The following KBTBD7 variants were observed in gnomAD, a reference collection of about 807,000 sequenced individuals.
KBTBD7 encodes kelch repeat and BTB domain-containing protein 7.
KBTBD7 carries 25 observed loss-of-function variants against 50.3 expected under a neutral mutation model. The observed-to-expected ratio is 0.50, with a 90% CI of 0.36 to 0.69. The LOEUF (loss-of-function observed/expected upper bound fraction) is 0.69. Among genes scored for constraint, KBTBD7 ranks in the 30% least tolerant of loss-of-function variants. KBTBD7 has a pLI of 0.00. For synonymous variants in KBTBD7, 305 were observed against 325.3 expected, an observed-to-expected ratio of 0.94 and a Z score of 0.67; for missense variants, 653 against 869.5, an observed-to-expected ratio of 0.75 and a Z score of 3.13.
In KBTBD7 at chr13:41,193,558, C is replaced by A. The variant is rs747348724; in HGVS notation, c.700G>T (p.Glu234Ter). 3 of 1,614,234 alleles carry A rather than the reference C, an allele frequency of 1.9e-6. No homozygotes were observed. In the Admixed American group the frequency reaches 5.0e-5, roughly 27 times the overall value. ...ACATGGCATACAGTCCGCTCACTCT[C>A]TATGTCCAGACTATCCAGGCGTAGG... is the stretch of plus-strand genomic sequence containing the variant. ...AVLRLDSLDI[E>*]SERTVCHVAV... is the part of the protein sequence containing the mutation. The change falls in exon 1 of 1, where the codon GAG (glutamate) becomes TAG (stop). Residue 234 changes from glutamate to a stop codon, truncating the protein, a stop_gained. Coordinates refer to ENST00000379483, the MANE Select transcript of KBTBD7 (RefSeq NM_032138.7). LOFTEE classifies it high-confidence loss of function. This position sits in a 1 kb window ranked among gnomAD's most constrained non-coding sequence, Gnocchi z 5.7.
Position 41,194,349 on chromosome 13 carries a change from G to T in KBTBD7, c.-92C>A. 1 of 1,503,464 alleles carries T rather than the reference G, an allele frequency of 6.7e-7. No homozygotes were observed. The highest frequency in any genetic ancestry group is 1.3e-5 in the South Asian group (1 of 77,300). The allele number at this position is 1,503,464 out of a possible 1,614,324, so 93.1% of individuals were successfully genotyped here. A position where few individuals can be genotyped will look rare whatever the true frequency, so the allele number is the denominator to read the frequency against. Reference sequence around the variant, plus strand: ...CCTTCCCTCGCTGACGCTAAGACAAGCCGCGTCCTGGAACAGACTGCGGCA... The same window carrying T: ...CCTTCCCTCGCTGACGCTAAGACAATCCGCGTCCTGGAACAGACTGCGGCA... On this transcript the variant is annotated 5_prime_UTR_variant, in exon 1 of 1. Transcript: ENST00000379483.
rs763427824 is a variant in KBTBD7 at position 41,194,208 on chromosome 13, C to T, written c.50G>A (p.Arg17His). 11 of 1,614,044 alleles carry T rather than the reference C, an allele frequency of 6.8e-6. No homozygotes were observed. In the South Asian group the frequency reaches 1.1e-4, roughly 16 times the overall value. Residue 17 changes from arginine to histidine, a missense_variant, in exon 1 of 1, where the codon CGT becomes CAT. Arg to His is a conservative substitution (Grantham distance 29). Coordinates refer to ENST00000379483, the MANE Select transcript of KBTBD7 (RefSeq NM_032138.7). ...AATCCTCTTGGGCCGCCTCCCACCA[C>T]GGGGACTGGCGAGGCGGCGAGAGCG... The part of the protein sequence containing the change: ...VPRSRRLASP[R>H]GGRRPKRISK...
rs1461678191 is a variant in KBTBD7 at position 41,192,336 on chromosome 13, C to T, written c.1922G>A (p.Ser641Asn). ...TEEDDARSES[S>N]TEWDLDGFSE... ...GAATCCATCTAAGTCCCATTCAGTA[C>T]TAGACTCACTCCGTGCATCATCTTC... The change falls in exon 1 of 1, where the codon AGT (serine) becomes AAT (asparagine). Residue 641 changes from serine (S) to asparagine (N), a missense_variant. Coordinates refer to ENST00000379483, the MANE Select transcript of KBTBD7 (RefSeq NM_032138.7). 1 of 1,614,202 alleles carries T rather than the reference C, an allele frequency of 6.2e-7. No individual in the cohort carries two copies. The highest frequency in any genetic ancestry group is 1.7e-5 in the Admixed American group (1 of 60,022).
chr13:41,194,027 G>A lies in KBTBD7; in HGVS notation c.231C>T (p.Gly77=). ...GATTGCAGGAAAAGAGGCGACCCGT[G>A]CCAGGCCCGCTGCCAGGCGTCACCA... ...IEVVTPGSGP[G]TGRLFSCNRN... is the part of the protein sequence containing the mutation. Residue 77 remains glycine, a synonymous_variant, in exon 1 of 1, where the codon GGC becomes GGT. Transcript: ENST00000379483. 1 of 1,614,184 alleles carries A rather than the reference G, an allele frequency of 6.2e-7. No individual in the cohort carries two copies.
Position 41,192,553 on chromosome 13 carries a change from G to A in KBTBD7, c.1705C>T (p.Leu569Phe). 6.2e-7 allele frequency: 1 copy of A among 1,614,212 alleles called. No homozygotes were observed. The highest frequency in any genetic ancestry group is 8.5e-7 in the Non-Finnish European group (1 of 1,180,028). The stretch of plus-strand genomic sequence containing the variant: ...TGTGGGGTTGTAGAAGTGATGAGAA[G>A]CAACTTTTGGTCATGATTGACAATC... ...YQIVNHDQKL[L>F]LITSTTPQWK... Residue 569 changes from leucine (L) to phenylalanine (F), a missense_variant, in exon 1 of 1, where the codon CTT becomes TTT. Transcript: ENST00000379483.
rs2031372830 is a variant in KBTBD7, at chr13:41,191,167, A to G, written c.*1036T>C. 6.6e-6 allele frequency: 1 copy of G among 152,142 alleles called. No individual in the cohort carries two copies. Among genetic ancestry groups the G allele is most frequent in the African/African-American group, 2.4e-5 (1 of 41,450 alleles). The allele number at this position is 152,142 out of a possible 1,614,324, so 9.4% of individuals were successfully genotyped here. ...GTTCTAAACCATATTACCTCACAAA[A>G]CAGTAAAGAATAAATCACTTTCTGT... On this transcript the variant is annotated 3_prime_UTR_variant, in exon 1 of 1. Coordinates refer to ENST00000379483, the MANE Select transcript of KBTBD7 (RefSeq NM_032138.7).
Position 41,192,191 on chromosome 13 carries a change from T to G in KBTBD7, c.*12A>C, listed in dbSNP as rs1180903168. On this transcript the variant is annotated 3_prime_UTR_variant, in exon 1 of 1. Coordinates refer to ENST00000379483, the MANE Select transcript of KBTBD7 (RefSeq NM_032138.7). The stretch of plus-strand genomic sequence containing the variant: ...GTAGCAGTAGAAACATCTTAGTGTC[T>G]CAAAATACTATTTACAAAGAACCCT... The G allele has an allele frequency of 6.3e-7, 1 of 1,591,706 alleles. No homozygotes were observed. The highest frequency in any genetic ancestry group is 8.5e-7 in the Non-Finnish European group (1 of 1,170,016).
In KBTBD7 at chr13:41,192,138, G is replaced by T. The variant is rs942597147; in HGVS notation, c.*65C>A. ...TAATCAACTTTTTTTCCAAGAAAAA[G>T]AAACGATATGTGTTTAAAATACATT... is the stretch of plus-strand genomic sequence containing the variant. On this transcript the variant is annotated 3_prime_UTR_variant, in exon 1 of 1. Transcript: ENST00000379483. The T allele has an allele frequency of 1.0e-5, 15 of 1,484,660 alleles. No individual in the cohort carries two copies. The highest frequency in any genetic ancestry group is 1.8e-4 in the Middle Eastern group (1 of 5,540). The allele number at this position is 1,484,660 out of a possible 1,614,324, so 92.0% of individuals were successfully genotyped here.
Position 41,194,508 on chromosome 13 carries a change from TGCA to T in KBTBD7, c.-254_-252del. ...CTCGCCCTCACAGGACCCGCTGGCT[TGCA>T]GCCGCGGAAGCCCCCACTGCCGCGC... On this transcript the variant is annotated 5_prime_UTR_variant, in exon 1 of 1. Transcript: ENST00000379483. 3.6e-6 allele frequency: 2 copies of T among 548,968 alleles called. No individual in the cohort carries two copies. The highest frequency in any genetic ancestry group is 3.3e-5 in the Admixed American group (1 of 30,336). The allele number at this position is 548,968 out of a possible 1,614,324, so 34.0% of individuals were successfully genotyped here. A position where few individuals can be genotyped will look rare whatever the true frequency, so the allele number is the denominator to read the frequency against.
In KBTBD7 at chr13:41,194,305, G is replaced by A. The variant is rs1260929687; in HGVS notation, c.-48C>T. 6 of 1,587,370 alleles carry A rather than the reference G, an allele frequency of 3.8e-6. No individual in the cohort carries two copies. The African/African-American group carries it at 6.7e-5, about 18-fold the overall frequency. ...GACGGCGAGAAAGGCTGCAGGACCA[G>A]GCTCTGGCTCCTCCTCAACCTTCCC... On this transcript the variant is annotated 5_prime_UTR_variant, in exon 1 of 1. Coordinates refer to ENST00000379483, the MANE Select transcript of KBTBD7 (RefSeq NM_032138.7).
chr13:41,191,508 TA>T lies in KBTBD7; in HGVS notation c.*694del, dbSNP rs2031382839. The T allele has an allele frequency of 1.4e-5, 2 of 142,054 alleles. No homozygotes were observed. The highest frequency in any genetic ancestry group is 1.5e-4 in the Admixed American group (2 of 13,604). 8.8% of individuals were successfully genotyped at this position (142,054 alleles called of 1,614,324 possible). A position where few individuals can be genotyped will look rare whatever the true frequency, so the allele number is the denominator to read the frequency against. On this transcript the variant is annotated 3_prime_UTR_variant, in exon 1 of 1. Coordinates refer to ENST00000379483, the MANE Select transcript of KBTBD7 (RefSeq NM_032138.7). Reference sequence around the variant, plus strand: ...CAAATACACATTTTATATTCCAAAATAAAAACTGAGATTTCTTTTAAAACAG... The same window carrying T: ...CAAATACACATTTTATATTCCAAAATAAAACTGAGATTTCTTTTAAAACAG...
chr13:41,194,269 C>A lies in KBTBD7; in HGVS notation c.-12G>T. On this transcript the variant is annotated 5_prime_UTR_variant, in exon 1 of 1. Coordinates refer to ENST00000379483, the MANE Select transcript of KBTBD7 (RefSeq NM_032138.7). ...TCCCGGGACTGCATGGTGGAGATGG[C>A]GACGGGCGCTGACGGCGAGAAAGGC... 6.2e-7 allele frequency: 1 copy of A among 1,607,856 alleles called. No individual in the cohort carries two copies. The highest frequency in any genetic ancestry group is 2.2e-5 in the East Asian group (1 of 44,744).
In KBTBD7 at chr13:41,194,254, G is replaced by A; in HGVS notation, c.4C>T (p.Gln2Ter). M[Q>*]SREDVPRSRR... ...GAGCGCGGGACGTCTTCCCGGGACTGCATGGTGGAGATGGCGACGGGCGCT... is the reference window on the plus strand; with the variant it reads ...GAGCGCGGGACGTCTTCCCGGGACTACATGGTGGAGATGGCGACGGGCGCT... Residue 2 changes from glutamine to a stop codon, truncating the protein, a stop_gained, in exon 1 of 1, where the codon CAG becomes TAG. Transcript: ENST00000379483. LOFTEE classifies it high-confidence loss of function. 6.2e-7 allele frequency: 1 copy of A among 1,611,326 alleles called. No individual in the cohort carries two copies. Among genetic ancestry groups the A allele is most frequent in the South Asian group, 1.1e-5 (1 of 91,044 alleles).
rs758640332 is a variant in KBTBD7, at chr13:41,193,614, G to T, written c.644C>A (p.Ala215Glu). 1.2e-6 allele frequency: 2 copies of T among 1,614,228 alleles called. No homozygotes were observed. Among genetic ancestry groups the T allele is most frequent in the Non-Finnish European group, 1.7e-6 (2 of 1,180,044 alleles). ...CAGCAGCTGGGCCAGGGTTAGATCTGCTAGAGTCTCCTCCCGAATTGAACC... is the reference window on the plus strand; with the variant it reads ...CAGCAGCTGGGCCAGGGTTAGATCTTCTAGAGTCTCCTCCCGAATTGAACC... ...RMGSIREETL[A>E]DLTLAQLLAV... Residue 215 changes from alanine to glutamate, a missense_variant, in exon 1 of 1, where the codon GCA (alanine) becomes GAA (glutamate). Ala to Glu is a moderately radical substitution (Grantham distance 107). This residue lies in a region of KBTBD7 where 526 missense variants were observed against 717.1 expected (regional missense o/e 0.73). Coordinates refer to ENST00000379483, the MANE Select transcript of KBTBD7 (RefSeq NM_032138.7). The surrounding 1 kb of genome is among the most constrained non-coding windows in gnomAD (Gnocchi z 5.7).
rs2031402221 is a variant in KBTBD7, at chr13:41,192,087, C to T, written c.*116G>A. On this transcript the variant is annotated 3_prime_UTR_variant, in exon 1 of 1. Transcript: ENST00000379483. ...AACCTTGTAGTATTTCAAAATATTA[C>T]CCTTTCTAAACCAAATCTGTGGTCC... The T allele has an allele frequency of 3.8e-5, 37 of 968,162 alleles. No homozygotes were observed. In the South Asian group the frequency reaches 5.9e-4, roughly 15 times the overall value. The allele number at this position is 968,162 out of a possible 1,614,324, so 60.0% of individuals were successfully genotyped here. A position where few individuals can be genotyped will look rare whatever the true frequency, so the allele number is the denominator to read the frequency against.
chr13:41,192,398 A>G lies in KBTBD7; in HGVS notation c.1860T>C (p.Pro620=). The G allele has an allele frequency of 6.2e-7, 1 of 1,614,222 alleles. No homozygotes were observed. Residue 620 remains proline (P), a synonymous_variant, in exon 1 of 1, where the codon CCT becomes CCC. Transcript: ENST00000379483. ...GFICLCARVY[P]SCLEPGQSFI... ...AACTCTGACCAGGTTCAAGGCAGGA[A>G]GGATAAACACGAGCACAAAGGCAAA...
Position 41,194,454 on chromosome 13 carries a change from C to G in KBTBD7, c.-197G>C. 1 of 706,282 alleles carries G rather than the reference C, an allele frequency of 1.4e-6. No homozygotes were observed. The highest frequency in any genetic ancestry group is 2.8e-5 in the East Asian group (1 of 35,994). The allele number at this position is 706,282 out of a possible 1,614,324, so 43.8% of individuals were successfully genotyped here. Reference sequence around the variant, plus strand: ...ATAGACAGTGGCTGACTCACCCTCTCTCACTCCCGCGCCCTTTCTCCGCCT... The same window carrying G: ...ATAGACAGTGGCTGACTCACCCTCTGTCACTCCCGCGCCCTTTCTCCGCCT... On this transcript the variant is annotated 5_prime_UTR_variant, in exon 1 of 1. Transcript: ENST00000379483.
Position 41,192,918 on chromosome 13 carries a change from G to A in KBTBD7, c.1340C>T (p.Thr447Ile), listed in dbSNP as rs1220930184. Residue 447 changes from threonine to isoleucine, a missense_variant, in exon 1 of 1, where the codon ACT (threonine) becomes ATT (isoleucine). Coordinates refer to ENST00000379483, the MANE Select transcript of KBTBD7 (RefSeq NM_032138.7). ...IYILGGRDPI[T>I]GVKLKEVECY... ...TTCCACTTCCTTCAACTTAACTCCA[G>A]TAATAGGGTCTCGTCCCCCCAAAAT... 2 of 1,614,222 alleles carry A rather than the reference G, an allele frequency of 1.2e-6. No homozygotes were observed. The highest frequency in any genetic ancestry group is 8.5e-7 in the Non-Finnish European group (1 of 1,180,044).
Position 41,192,026 on chromosome 13 carries a change from T to C in KBTBD7, c.*177A>G. On this transcript the variant is annotated 3_prime_UTR_variant, in exon 1 of 1. Coordinates refer to ENST00000379483, the MANE Select transcript of KBTBD7 (RefSeq NM_032138.7). The stretch of plus-strand genomic sequence containing the variant: ...TTTTAATTCTGGACTTTCAGGATGG[T>C]AAATTATTAAACAGGTCGATTTCAT... 1.9e-6 allele frequency: 1 copy of C among 540,040 alleles called. No individual in the cohort carries two copies. The allele number at this position is 540,040 out of a possible 1,614,324, so 33.5% of individuals were successfully genotyped here.
Sources: allele counts gnomAD v4.1 joint callset, GRCh38; gene constraint gnomAD v4.1.1; regional missense constraint gnomAD v4.1.1; non-coding constraint Gnocchi (gnomAD v3.1); transcripts MANE v1.5; gene names NCBI Gene and HGNC (gene_info 2026-07-23, HGNC 2026-07-21).